ENOX2: variants seen among roughly 807,000 people sequenced by gnomAD.
The protein encoded by ENOX2 is APK1 antigen.
In ENOX2, 36 loss-of-function variants were observed where a neutral mutation model predicts 45.0. That is an observed-to-expected ratio of 0.80 (90% CI 0.61 to 1.06). The LOEUF (loss-of-function observed/expected upper bound fraction) is 1.06. ENOX2 is among the 50% of genes least tolerant of loss of function. The probability of loss-of-function intolerance (pLI) is 0.00; values close to 1 mark genes in which losing one functional copy is unlikely to be tolerated. For synonymous variants in ENOX2, 174 were observed against 152.3 expected (o/e 1.14, Z -1.05); for missense variants, 423 against 462.5 (o/e 0.91, Z 0.78).
intron 4 of ENOX2, among the ~76,000 whole-genome samples, chrX:130,690,212 C>A (rs1369990213): frequency 9.9e-5 from 11 of 111,505 alleles, no homozygotes; most frequent in Admixed American, 5.7e-4. Flanking sequence ...GTACTTCTTA[C>A]AACCAGAATA....
chrX:130,682,300 G>A lies in ENOX2; in HGVS notation c.254-2552C>T, dbSNP rs774993424. Among the ~76,000 whole-genome samples, 6 of 110,072 alleles carry A rather than the reference G, an allele frequency of 5.5e-5. No homozygotes were observed. In the East Asian group the frequency reaches 1.7e-3, roughly 31 times the overall value. On this transcript the variant is annotated intron_variant, in intron 5 of 14. Transcript: ENST00000394363. ...TTACATGTAACACTGAAAAGGCAAA[G>A]GCTCCATCCCCTGGCTACATTTGTG...
chrX:130,691,287 C>T (rs941495792), intron 4 of ENOX2, among the ~76,000 whole-genome samples: 3 of 111,656 alleles, frequency 2.7e-5, no homozygotes, highest in Non-Finnish European at 5.6e-5. Context: ...AGACCTCTGG[C>T]GTGAGAGATA....
intron 11 of ENOX2, among the ~76,000 whole-genome samples, chrX:130,636,631 C>A (rs943909343): frequency 8.9e-6 from 1 of 112,612 alleles, no homozygotes; most frequent in Non-Finnish European, 1.9e-5. Flanking sequence ...TGAATGCAAT[C>A]GCAGTTGGGT....
intron 3 of ENOX2, among the ~76,000 whole-genome samples, chrX:130,742,559 C>A (rs1225845056): frequency 2.7e-5 from 3 of 111,015 alleles, no homozygotes; most frequent in Admixed American, 9.6e-5. Flanking sequence ...GTAGATAAGA[C>A]AAAGTTGGAG....
intron 9 of ENOX2, among the ~76,000 whole-genome samples, chrX:130,664,509 C>A (rs995598043): frequency 2.7e-5 from 3 of 112,655 alleles, no homozygotes; most frequent in Middle Eastern, 4.2e-3. Context: ...CTCACTATCA[C>A]TTATGAAGCT....
At chrX:130,628,091 G>C (rs377136923) in intron 13 of ENOX2, 48 bp from the exon 14 acceptor site, 16 of 908,476 alleles carry the variant, frequency 1.8e-5, no homozygotes, top group Non-Finnish European at 2.6e-5. Context: ...TGTATTTCTC[G>C]AGGTTCCACA....
intron 10 of ENOX2, among the ~76,000 whole-genome samples, chrX:130,640,782 C>A (rs1379937295): frequency 1.8e-5 from 2 of 111,073 alleles, no homozygotes; most frequent in African/African-American, 3.3e-5. Context: ...GGGAGAGCAT[C>A]AGGAAAAACA....
At chrX:130,789,364 C>T (rs757672345) in intron 2 of ENOX2, among the ~76,000 whole-genome samples, 13 of 112,144 alleles carry the variant, frequency 1.2e-4, no homozygotes, top group African/African-American at 4.2e-4. Context: ...TTAGGACCAA[C>T]CTTCATGATG....
At chrX:130,667,782 A>C (rs748306925) in intron 7 of ENOX2, 40 bp from the exon 8 acceptor site, 1 of 1,053,819 alleles carries the variant, frequency 9.5e-7, no homozygotes, top group Non-Finnish European at 1.3e-6. Flanking sequence ...AAGGTAACCA[A>C]ATTTTGATCT....
At chrX:130,879,930 T>C (rs942394235) in intron 2 of ENOX2, among the ~76,000 whole-genome samples, 1 of 111,889 alleles carries the variant, frequency 8.9e-6, no homozygotes, top group Non-Finnish European at 1.9e-5. Flanking sequence ...GTTTTCTCTT[T>C]ACACATTTCT....
Position 130,670,081 on chromosome X carries a change from G to T in ENOX2, c.578C>A (p.Ala193Asp), listed in dbSNP as rs773094494. ...TCTTCTACGATGGCGCTCCTCTCTG[G>T]CTAGCATACGCTGTTTACACTCCCA... Reference protein sequence around the residue: ...YEWECKQRMLAREERHRRRME... With the variant: ...YEWECKQRMLDREERHRRRME... The change falls in exon 7 of 15, where the codon GCC becomes GAC. Residue 193 changes from alanine (A) to aspartate (D), a missense_variant. Ala to Asp is a moderately radical substitution (Grantham distance 126). This residue lies in a region of ENOX2 where 261 missense variants were observed against 306.8 expected (regional missense o/e 0.85). Transcript: ENST00000394363. 1 of 1,207,735 alleles carries T rather than the reference G, an allele frequency of 8.3e-7. No homozygotes were observed. Among genetic ancestry groups the T allele is most frequent in the East Asian group, 3.0e-5 (1 of 33,740 alleles).
chrX:130,901,590 G>A (rs762210952), intron 2 of ENOX2, 94 bp downstream of exon 2: 46 of 112,017 alleles, frequency 4.1e-4, no homozygotes, highest in African/African-American at 1.4e-3. Flanking sequence ...AGGCTTTAAA[G>A]TTGACAGCTA....
intron 10 of ENOX2, among the ~76,000 whole-genome samples, chrX:130,649,502 TG>T (rs1185902405): frequency 9.0e-6 from 1 of 111,579 alleles, no homozygotes; most frequent in African/African-American, 3.3e-5. Flanking sequence ...CAACGTAATA[TG>T]AAGGGTTCTG....
chrX:130,875,906 C>T (rs2078690335), intron 2 of ENOX2, among the ~76,000 whole-genome samples: 1 of 111,830 alleles, frequency 8.9e-6, no homozygotes, highest in South Asian at 3.7e-4. Flanking sequence ...AATAAGACAC[C>T]ACTTCACACC....
intron 3 of ENOX2, among the ~76,000 whole-genome samples, chrX:130,754,012 T>C (rs2148339430): frequency 8.9e-6 from 1 of 111,734 alleles, no homozygotes; most frequent in East Asian, 2.8e-4. Flanking sequence ...TGGTTAAATA[T>C]ACTTATTATG....
intron 3 of ENOX2, among the ~76,000 whole-genome samples, chrX:130,730,198 T>C (rs990490968): frequency 2.7e-5 from 3 of 112,095 alleles, no homozygotes; most frequent in African/African-American, 6.5e-5. Context: ...TAACCAAGAA[T>C]AGAATGGGAA....
chrX:130,839,941 G>C, intron 2 of ENOX2, among the ~76,000 whole-genome samples: 1 of 111,144 alleles, frequency 9.0e-6, no homozygotes, highest in Middle Eastern at 4.7e-3. Context: ...TAAAACTATC[G>C]GTTTATGAGA....
intron 10 of ENOX2, among the ~76,000 whole-genome samples, chrX:130,653,160 T>G (rs1301716183): frequency 8.9e-6 from 1 of 111,848 alleles, no homozygotes; most frequent in Non-Finnish European, 1.9e-5. Flanking sequence ...TCCTAGCATC[T>G]TTAATCTCAT....
intron 2 of ENOX2, among the ~76,000 whole-genome samples, chrX:130,787,668 TA>T (rs2076988545): frequency 8.9e-6 from 1 of 111,906 alleles, no homozygotes; most frequent in Non-Finnish European, 1.9e-5. Flanking sequence ...TTTAGGCCCA[TA>T]TGGTAACCTT....
Sources: allele counts gnomAD v4.1 joint callset (sites outside exome capture counted in the v4.1 genomes callset), GRCh38; gene constraint gnomAD v4.1.1; regional missense constraint gnomAD v4.1.1; transcripts MANE v1.5; gene names NCBI Gene and HGNC (gene_info 2026-07-23, HGNC 2026-07-21).